The following GNL2 variants were observed in gnomAD, a reference collection of about 807,000 sequenced individuals.
GNL2 encodes the protein G protein nucleolar 2.
In GNL2, 51 loss-of-function variants were observed where a neutral mutation model predicts 92.3. The ratio of observed to expected loss-of-function variants is 0.55; its 90% CI spans 0.44 to 0.70. GNL2 has a LOEUF of 0.70. GNL2 is among the 30% of genes least tolerant of loss of function. The pLI, the probability that GNL2 is intolerant of heterozygous loss-of-function variation, is 0.00. For synonymous variants in GNL2, 283 were observed against 300.6 expected (o/e 0.94, Z 0.61); for missense variants, 844 against 895.6 (o/e 0.94, Z 0.74).
chr1:37,586,437 ATCCCTAC>A (rs1198569676), intron 5 of GNL2, among the ~76,000 whole-genome samples: 1 of 152,094 alleles, frequency 6.6e-6, no homozygotes, highest in African/African-American at 2.4e-5. Context: ...TTGAGTATGG[ATCCCTAC>A]GAGAATATGA....
chr1:37,571,798 C>T (rs764057435), intron 12 of GNL2, among the ~76,000 whole-genome samples: 7 of 152,204 alleles, frequency 4.6e-5, no homozygotes, highest in Non-Finnish European at 8.8e-5. Context: ...TTACTGACTA[C>T]ATACGGAGGA....
chr1:37,576,381 A>G, intron 9 of GNL2, 47 bp downstream of exon 9: 1 of 1,573,182 alleles, frequency 6.4e-7, no homozygotes, highest in South Asian at 1.2e-5. Context: ...ATCACTCTCT[A>G]TGAAAAGAAA....
chr1:37,572,993 T>C (rs943607548), intron 12 of GNL2, among the ~76,000 whole-genome samples: 16 of 152,196 alleles, frequency 1.1e-4, no homozygotes, highest in African/African-American at 3.6e-4. Flanking sequence ...CTGGAATATA[T>C]GTGCAGGAGA....
intron 12 of GNL2, among the ~76,000 whole-genome samples, chr1:37,573,985 T>C (rs1643636009): frequency 6.6e-6 from 1 of 152,144 alleles, no homozygotes; most frequent in Admixed American, 6.5e-5. Context: ...ACTTGTCTCC[T>C]GGGTTCAAGC....
intron 6 of GNL2, 108 bp downstream of exon 6, chr1:37,583,759 T>C: frequency 2.7e-6 from 2 of 732,014 alleles, no homozygotes; most frequent in Admixed American, 2.0e-5. Context: ...CAGGCAGTGG[T>C]GCCTGTACTC....
intron 4 of GNL2, among the ~76,000 whole-genome samples, chr1:37,589,470 AATTTT>A (rs1643875066): frequency 6.6e-6 from 1 of 151,920 alleles, no homozygotes; most frequent in East Asian, 1.9e-4. Flanking sequence ...ACGCCCGGCT[AATTTT>A]TTTTTGTATT....
In GNL2 at chr1:37,590,696, T is replaced by C; in HGVS notation, c.384+10A>G. 1 of 1,609,598 alleles carries C rather than the reference T, an allele frequency of 6.2e-7. No homozygotes were observed. Among genetic ancestry groups the C allele is most frequent in the Non-Finnish European group, 8.5e-7 (1 of 1,175,964 alleles). ...GGAAATTCCATCACCAGGGATATCC[T>C]ACATCTTACATGAGGCCGGATTCGA... On this transcript the variant is annotated intron_variant, in intron 4 of 15. Transcript: ENST00000373062.
At chr1:37,574,538 G>A in intron 11 of GNL2, 82 bp from the exon 12 acceptor site, 1 of 1,404,318 alleles carries the variant, frequency 7.1e-7, no homozygotes, top group African/African-American at 1.4e-5. Flanking sequence ...AGTTGTCCCA[G>A]GGGTTCATCA....
intron 9 of GNL2, 25 bp downstream of exon 9, chr1:37,576,403 T>G: frequency 6.2e-7 from 1 of 1,603,928 alleles, no homozygotes; most frequent in South Asian, 1.1e-5. Flanking sequence ...TATGCAAAAG[T>G]AAGGTCACCC....
chr1:37,583,760 G>T, intron 6 of GNL2, 107 bp downstream of exon 6: 1 of 738,816 alleles, frequency 1.4e-6, no homozygotes. Context: ...AGGCAGTGGT[G>T]CCTGTACTCT....
intron 4 of GNL2, among the ~76,000 whole-genome samples, chr1:37,588,219 G>A (rs1429144315): frequency 2.0e-5 from 3 of 151,678 alleles, no homozygotes; most frequent in Non-Finnish European, 4.4e-5. Flanking sequence ...AATTTCTGAA[G>A]CAAGATAAAA....
At chr1:37,582,658 C>T in intron 7 of GNL2, 120 bp downstream of exon 7, 1 of 864,292 alleles carries the variant, frequency 1.2e-6, no homozygotes. Flanking sequence ...TTTCGTGTTT[C>T]CAATGAGAGC....
intron 5 of GNL2, among the ~76,000 whole-genome samples, chr1:37,584,618 G>C (rs894903169): frequency 6.6e-6 from 1 of 152,130 alleles, no homozygotes; most frequent in Non-Finnish European, 1.5e-5. Context: ...ATTCATGAGA[G>C]AGAAAGTAGA....
chr1:37,579,910 A>G (rs1643739422), intron 8 of GNL2, among the ~76,000 whole-genome samples: 1 of 151,354 alleles, frequency 6.6e-6, no homozygotes, highest in South Asian at 2.1e-4. Flanking sequence ...AAAAAAAAAA[A>G]AAAAAAGAAA....
Position 37,590,858 on chromosome 1 carries a change from TAAAG to T in GNL2, c.245-17_245-14del, listed in dbSNP as rs1206332071. On this transcript the variant is annotated splice_polypyrimidine_tract_variant and intron_variant, in intron 3 of 15. Transcript: ENST00000373062. ...ACACGTGTGTTTCCTGTTTTACAAA[TAAAG>T]AATGTTGCCACTTAGTTAATATTTG... 2 of 1,541,736 alleles carry T rather than the reference TAAAG, an allele frequency of 1.3e-6. No homozygotes were observed. Among genetic ancestry groups the T allele is most frequent in the Non-Finnish European group, 1.7e-6 (2 of 1,146,710 alleles).
At chr1:37,589,502 T>C (rs541847531) in intron 4 of GNL2, among the ~76,000 whole-genome samples, 26 of 152,226 alleles carry the variant, frequency 1.7e-4, no homozygotes, top group African/African-American at 6.0e-4. Flanking sequence ...AGAGACGGGA[T>C]TTCACGTGTT....
At chr1:37,585,306 G>A (rs898784646) in intron 5 of GNL2, among the ~76,000 whole-genome samples, 2 of 151,880 alleles carry the variant, frequency 1.3e-5, no homozygotes, top group Non-Finnish European at 2.9e-5. Context: ...TGATCCGCCC[G>A]CCTCAGCCTC....
intron 13 of GNL2, 132 bp from the exon 14 acceptor site, chr1:37,568,489 G>C: frequency 4.7e-6 from 3 of 640,412 alleles, no homozygotes; most frequent in Non-Finnish European, 8.4e-6. Flanking sequence ...AGTGGAAGAA[G>C]TCAACATCCA....
intron 4 of GNL2, among the ~76,000 whole-genome samples, chr1:37,588,024 G>C (rs958763874): frequency 1.3e-5 from 2 of 152,114 alleles, no homozygotes; most frequent in Non-Finnish European, 2.9e-5. Flanking sequence ...TGCTTGTTTT[G>C]TAAGATGCAT....
Sources: gnomAD v4.1 joint callset for allele counts (sites outside exome capture counted in the v4.1 genomes callset) on GRCh38, gnomAD v4.1.1 for gene constraint, MANE v1.5 for transcripts, NCBI Gene and HGNC (gene_info 2026-07-23, HGNC 2026-07-21) for gene names.